ZNF804B: variants seen among roughly 807,000 people sequenced by gnomAD.
ZNF804B encodes zinc finger 804B.
A neutral mutation model predicts 101.4 loss-of-function variants in ZNF804B; 80 were observed. That is an observed-to-expected ratio of 0.79 (90% CI 0.66 to 0.95). ZNF804B has a LOEUF of 0.95. ZNF804B is among the 40% of genes least tolerant of loss of function. The probability of loss-of-function intolerance (pLI) is 0.00; values close to 1 mark genes in which losing one functional copy is unlikely to be tolerated. For missense variants in ZNF804B, 1,673 were observed against 1,561.9 expected, an observed-to-expected ratio of 1.07 and a Z score of -1.20; for synonymous variants, 622 against 558.8, an observed-to-expected ratio of 1.11 and a Z score of -1.59.
At chr7:88,997,824 G>A (rs1015380975) in intron 1 of ZNF804B, among the ~76,000 whole-genome samples, 9 of 151,946 alleles carry the variant, frequency 5.9e-5, no homozygotes, top group South Asian at 2.1e-4. Flanking sequence ...CCCATCTTTC[G>A]GAACTCAGTT....
intron 1 of ZNF804B, among the ~76,000 whole-genome samples, chr7:88,943,836 T>A (rs183261632): frequency 1.3e-5 from 2 of 151,990 alleles, no homozygotes; most frequent in African/African-American, 4.8e-5. Context: ...GGAGCCACAT[T>A]TTCTTTTAAA....
chr7:89,043,131 C>T (rs1208981271), intron 1 of ZNF804B, among the ~76,000 whole-genome samples: 2 of 152,166 alleles, frequency 1.3e-5, no homozygotes, highest in South Asian at 2.1e-4. Context: ...TGAGACGCTC[C>T]TTTAAAAAAA....
chr7:88,818,200 C>T (rs915403990), intron 1 of ZNF804B, among the ~76,000 whole-genome samples: 6 of 152,060 alleles, frequency 3.9e-5, no homozygotes, highest in African/African-American at 1.4e-4. Context: ...TGAAGCATAA[C>T]ATTATATCAA....
intron 1 of ZNF804B, chr7:88,793,984 G>C: frequency 2.3e-6 from 1 of 426,944 alleles, no homozygotes; most frequent in Non-Finnish European, 4.1e-6. Flanking sequence ...GTAAAATAAT[G>C]TATTGAACTT....
At chr7:89,207,309 G>A (rs1333994964) in intron 1 of ZNF804B, among the ~76,000 whole-genome samples, 1 of 152,170 alleles carries the variant, frequency 6.6e-6, no homozygotes, top group African/African-American at 2.4e-5. Context: ...CACATGGCTG[G>A]GGAGGCCTCA....
intron 1 of ZNF804B, among the ~76,000 whole-genome samples, chr7:89,185,937 C>A (rs1421507575): frequency 6.6e-6 from 1 of 151,720 alleles, no homozygotes; most frequent in East Asian, 1.9e-4. Context: ...TTATATAAGA[C>A]TTAGTGCATC....
At chr7:88,952,990 A>G (rs751156087) in intron 1 of ZNF804B, among the ~76,000 whole-genome samples, 1 of 151,732 alleles carries the variant, frequency 6.6e-6, no homozygotes, top group Non-Finnish European at 1.5e-5. Context: ...ATTATATAAA[A>G]AGACTAGCAT....
chr7:89,080,171 A>G (rs1473201850), intron 1 of ZNF804B, among the ~76,000 whole-genome samples: 2 of 151,900 alleles, frequency 1.3e-5, no homozygotes, highest in Non-Finnish European at 2.9e-5. Flanking sequence ...GGTGACAGGT[A>G]ATCAAAGATT....
At chr7:88,986,986 A>ATTTC (rs1696281426) in intron 1 of ZNF804B, among the ~76,000 whole-genome samples, 1 of 152,060 alleles carries the variant, frequency 6.6e-6, no homozygotes, top group African/African-American at 2.4e-5. Flanking sequence ...AACTTGAGTC[A>ATTTC]TTTCTTTCTT....
intron 2 of ZNF804B, among the ~76,000 whole-genome samples, chr7:89,292,546 A>G (rs961465973): frequency 6.6e-6 from 1 of 152,082 alleles, no homozygotes; most frequent in Non-Finnish European, 1.5e-5. Context: ...AAATCTACAA[A>G]CATACAACAA....
chr7:89,240,787 AATTTTCCTATTTCATTCT>A (rs1426579045), intron 2 of ZNF804B, among the ~76,000 whole-genome samples: 1 of 151,954 alleles, frequency 6.6e-6, no homozygotes, highest in East Asian at 1.9e-4. Context: ...GAGTACTTAA[AATTTTCCTATTTCATTCT>A]ATTTTATAAT....
At chr7:88,852,115 G>A (rs1169230857) in intron 1 of ZNF804B, among the ~76,000 whole-genome samples, 1 of 151,938 alleles carries the variant, frequency 6.6e-6, no homozygotes, top group East Asian at 1.9e-4. Flanking sequence ...CCTCAAAGAG[G>A]GAATGCAAAA....
At chr7:89,083,723 A>C (rs550828821) in intron 1 of ZNF804B, among the ~76,000 whole-genome samples, 2 of 152,014 alleles carry the variant, frequency 1.3e-5, no homozygotes, top group South Asian at 4.1e-4. Flanking sequence ...AGACCGTTAA[A>C]CTTTGAAGAT....
At chr7:89,160,215 A>G (rs1256762851) in intron 1 of ZNF804B, among the ~76,000 whole-genome samples, 2 of 152,126 alleles carry the variant, frequency 1.3e-5, no homozygotes, top group Admixed American at 6.6e-5. Flanking sequence ...CTTTGAGACC[A>G]TGCTTCACAT....
At position 88,979,980 on chromosome 7, in the gene ZNF804B, C is replaced by T. The variant is rs1002900252; in HGVS notation, c.108+219896C>T. 5.3e-5 allele frequency among the ~76,000 whole-genome samples: 8 copies of T among 150,602 alleles called. No homozygotes were observed. In the Admixed American group the frequency reaches 5.3e-4, roughly 10 times the overall value. Reference sequence around the variant, plus strand: ...TTCAGCTCACTAATTTTTTCGTCTGCTTGATCACTTGTGTTGTTGAGAAAC... The same window carrying T: ...TTCAGCTCACTAATTTTTTCGTCTGTTTGATCACTTGTGTTGTTGAGAAAC... On this transcript the variant is annotated intron_variant, in intron 1 of 3. Transcript: ENST00000333190.
At position 88,865,849 on chromosome 7, in the gene ZNF804B, CT is replaced by C. The variant is rs544950996; in HGVS notation, c.108+105769del. On this transcript the variant is annotated intron_variant, in intron 1 of 3. Transcript: ENST00000333190. The stretch of plus-strand genomic sequence containing the variant: ...ATGTCATCTATGCCACTTGCTGACC[CT>C]TTTCCCAGCTTAGTCTGAATGTCAC... 7.2e-5 allele frequency among the ~76,000 whole-genome samples: 11 copies of C among 152,338 alleles called. No homozygotes were observed. In the East Asian group the frequency reaches 1.2e-3, roughly 16 times the overall value.
intron 1 of ZNF804B, among the ~76,000 whole-genome samples, chr7:89,112,333 A>C (rs1477008835): frequency 6.6e-6 from 1 of 152,152 alleles, no homozygotes; most frequent in East Asian, 1.9e-4. Context: ...ATTTTCTTGC[A>C]TGTGGATGCC....
chr7:88,864,493 G>T (rs924793859), intron 1 of ZNF804B, among the ~76,000 whole-genome samples: 6 of 152,170 alleles, frequency 3.9e-5, no homozygotes, highest in African/African-American at 1.4e-4. Context: ...TCAACTAGTT[G>T]CTTGGCCATA....
chr7:89,159,303 T>C (rs1397446505), intron 1 of ZNF804B, among the ~76,000 whole-genome samples: 1 of 152,180 alleles, frequency 6.6e-6, no homozygotes, highest in Non-Finnish European at 1.5e-5. Flanking sequence ...CGAGGGTATT[T>C]GGAGATCCTT....
Sources: allele counts gnomAD v4.1 joint callset (sites outside exome capture counted in the v4.1 genomes callset), GRCh38; gene constraint gnomAD v4.1.1; transcripts MANE v1.5; gene names NCBI Gene and HGNC (gene_info 2026-07-23, HGNC 2026-07-21).